The following CALCR variants were observed in gnomAD, a reference collection of about 807,000 sequenced individuals.
The protein encoded by CALCR is calcitonin receptor.
A neutral mutation model predicts 59.5 loss-of-function variants in CALCR; 47 were observed. The ratio of observed to expected loss-of-function variants is 0.79; its 90% CI spans 0.63 to 1.01. The LOEUF is 1.01. CALCR is among the 50% of genes least tolerant of loss of function. CALCR has a pLI of 0.00. For missense variants in CALCR, 566 were observed against 597.1 expected, an observed-to-expected ratio of 0.95 and a Z score of 0.54; for synonymous variants, 213 against 211.3, an observed-to-expected ratio of 1.01 and a Z score of -0.07.
chr7:93,453,377 C>G (rs1293565777), intron 8 of CALCR, among the ~76,000 whole-genome samples: 1 of 151,966 alleles, frequency 6.6e-6, no homozygotes. Context: ...ATTAAAGATT[C>G]ATCTGTTAAG....
intron 8 of CALCR, among the ~76,000 whole-genome samples, chr7:93,460,576 T>TATATATATATATATATAC (rs1800303737): frequency 9.6e-6 from 1 of 104,568 alleles, no homozygotes; most frequent in African/African-American, 4.9e-5. Context: ...AAAAAAAATA[T>TATATATATATATATATAC]ATATATATAT....
chr7:93,468,758 T>C lies in CALCR; in HGVS notation c.478A>G (p.Ile160Val), dbSNP rs142016257. The change falls in exon 7 of 14, where the codon ATT (isoleucine) becomes GTT (valine). Residue 160 changes from isoleucine (I) to valine (V), a missense_variant. Transcript: ENST00000426151. ...CCCAGGGAAATCACTAGGGTGAAAATTGACAAAGAATGACCCACAATAGCC... is the reference window on the plus strand; with the variant it reads ...CCCAGGGAAATCACTAGGGTGAAAACTGACAAAGAATGACCCACAATAGCC... ...YLAIVGHSLS[I>V]FTLVISLGIF... The C allele has an allele frequency of 8.9e-4, 1,435 of 1,610,800 alleles. 2 individuals are homozygous for C. The highest frequency in any genetic ancestry group is 1.2e-3 in the Admixed American group (71 of 59,660).
intron 8 of CALCR, among the ~76,000 whole-genome samples, chr7:93,456,256 G>A (rs1800206282): frequency 6.6e-6 from 1 of 152,136 alleles, no homozygotes; most frequent in Non-Finnish European, 1.5e-5. Context: ...GGAAGAAACA[G>A]ACATTTGAAA....
intron 12 of CALCR, 146 bp downstream of exon 12, chr7:93,435,805 CA>C (rs1220712901): frequency 1.3e-4 from 27 of 206,194 alleles, no homozygotes; most frequent in East Asian, 3.3e-4. Flanking sequence ...GACTCTGTGT[CA>C]AAAAAAATAA....
chr7:93,512,481 C>T (rs1311000888), intron 2 of CALCR, among the ~76,000 whole-genome samples: 3 of 152,026 alleles, frequency 2.0e-5, no homozygotes, highest in African/African-American at 7.2e-5. Context: ...TCTTTTATGG[C>T]ATCACAATTT....
chr7:93,426,932 T>G (rs1305708695), intron 13 of CALCR, among the ~76,000 whole-genome samples: 2 of 152,216 alleles, frequency 1.3e-5, no homozygotes, highest in Non-Finnish European at 2.9e-5. Flanking sequence ...TTGACCAAAC[T>G]TTTTATATGC....
chr7:93,479,474 G>T lies in CALCR; in HGVS notation c.85C>A (p.Gln29Lys). 1 of 1,612,430 alleles carries T rather than the reference G, an allele frequency of 6.2e-7. No individual in the cohort carries two copies. The highest frequency in any genetic ancestry group is 8.5e-7 in the Non-Finnish European group (1 of 1,179,018). ...TTGGGCTCTATTGTTGGATAGGTTT[G>T]ATTTGAAAAGGCAGGAAGAATTGGG... is the stretch of plus-strand genomic sequence containing the variant. ...PTPILPAFSN[Q>K]TYPTIEPKPF... Residue 29 changes from glutamine (Q) to lysine (K), a missense_variant, in exon 4 of 14, where the codon CAA (glutamine) becomes AAA (lysine). Transcript: ENST00000426151.
intron 9 of CALCR, among the ~76,000 whole-genome samples, chr7:93,438,544 C>T (rs1370543478): frequency 6.6e-6 from 1 of 152,182 alleles, no homozygotes; most frequent in African/African-American, 2.4e-5. Flanking sequence ...TACACTATGA[C>T]TATTATTACC....
chr7:93,480,170 T>A (rs1481659690), intron 3 of CALCR, among the ~76,000 whole-genome samples: 3 of 151,902 alleles, frequency 2.0e-5, no homozygotes, highest in African/African-American at 7.2e-5. Context: ...TGGTACAGAT[T>A]GACAATAGTT....
chr7:93,473,311 C>T lies in CALCR; in HGVS notation c.317-824G>A, dbSNP rs111478009. ...GTCTTTGAAGTGAATATTGTTCTTC[C>T]CATTTTATATATAAGTAAATTTCCC... is the stretch of plus-strand genomic sequence containing the variant. On this transcript the variant is annotated intron_variant, in intron 5 of 13. Transcript: ENST00000426151. Among the ~76,000 whole-genome samples the T allele has an allele frequency of 1.2e-3, 180 of 151,800 alleles. 1 individual carries two copies. Among genetic ancestry groups the T allele is most frequent in the African/African-American group, 4.0e-3 (165 of 41,472 alleles).
chr7:93,536,565 CTTTAAG>C (rs1788993981), intron 2 of CALCR, among the ~76,000 whole-genome samples: 1 of 151,718 alleles, frequency 6.6e-6, no homozygotes. Flanking sequence ...CATTATTATA[CTTTAAG>C]TTTAGGGTAC....
At chr7:93,439,652 A>G (rs2299244) in intron 9 of CALCR, among the ~76,000 whole-genome samples, 21,129 of 151,602 alleles carry the variant, frequency 0.14, 1,871 homozygotes, top group East Asian at 0.46. Flanking sequence ...GATCCATAAC[A>G]ACCCATTCTT....
intron 2 of CALCR, among the ~76,000 whole-genome samples, chr7:93,528,891 A>T (rs1426931763): frequency 1.3e-5 from 2 of 152,168 alleles, no homozygotes; most frequent in Non-Finnish European, 2.9e-5. Flanking sequence ...AACTTTATCG[A>T]AAATTTTGTG....
At chr7:93,493,443 C>T (rs749805714) in intron 2 of CALCR, among the ~76,000 whole-genome samples, 1 of 151,412 alleles carries the variant, frequency 6.6e-6, no homozygotes, top group Non-Finnish European at 1.5e-5. Context: ...CTAGGACTCT[C>T]TGATTCCATC....
At chr7:93,568,509 T>TCTCTCTCTCTCTCTC (rs1789918557) in intron 2 of CALCR, among the ~76,000 whole-genome samples, 2 of 102,428 alleles carry the variant, frequency 2.0e-5, no homozygotes, top group African/African-American at 8.0e-5. Flanking sequence ...TAAAATTACT[T>TCTCTCTCTCTCTCTC]TCTCTCTCTC....
chr7:93,505,543 T>C (rs1375072889), intron 2 of CALCR, among the ~76,000 whole-genome samples: 4 of 152,186 alleles, frequency 2.6e-5, no homozygotes, highest in African/African-American at 9.6e-5. Context: ...ATGTGCTGGA[T>C]GGTCTTCTGT....
intron 2 of CALCR, among the ~76,000 whole-genome samples, chr7:93,521,039 T>C (rs1172248344): frequency 6.6e-6 from 1 of 152,148 alleles, no homozygotes; most frequent in East Asian, 1.9e-4. Context: ...GTAGGTGGCA[T>C]ATTTCCTTCC....
chr7:93,537,881 A>G (rs1164442046), intron 2 of CALCR, among the ~76,000 whole-genome samples: 4 of 151,966 alleles, frequency 2.6e-5, no homozygotes, highest in Admixed American at 6.6e-5. Flanking sequence ...CGTTTTAGTC[A>G]GGTCCCAAGA....
intron 7 of CALCR, among the ~76,000 whole-genome samples, chr7:93,466,476 G>T (rs1800442959): frequency 6.6e-6 from 1 of 151,846 alleles, no homozygotes; most frequent in Non-Finnish European, 1.5e-5. Flanking sequence ...TAAGGTTTAA[G>T]ATATGATTGA....
Sources: allele counts gnomAD v4.1 joint callset (sites outside exome capture counted in the v4.1 genomes callset), GRCh38; gene constraint gnomAD v4.1.1; transcripts MANE v1.5; gene names NCBI Gene and HGNC (gene_info 2026-07-23, HGNC 2026-07-21).